The following ZDHHC13 variants were observed in gnomAD, a reference collection of about 807,000 sequenced individuals.
The protein encoded by ZDHHC13 is zDHHC palmitoyltransferase 13.
Under a neutral mutation model 86.0 loss-of-function variants are expected in ZDHHC13, and 85 were observed. The ratio of observed to expected loss-of-function variants is 0.99; its 90% confidence interval spans 0.83 to 1.18. ZDHHC13 has a LOEUF of 1.18. Among genes scored for constraint, ZDHHC13 ranks in the 50% most tolerant of loss-of-function variants. The pLI, the probability that ZDHHC13 is intolerant of heterozygous loss-of-function variation, is 0.00. For synonymous variants in ZDHHC13, 263 were observed against 246.4 expected, an observed-to-expected ratio of 1.07 and a Z score of -0.63; for missense variants, 711 against 730.2, an observed-to-expected ratio of 0.97 and a Z score of 0.30.
chr11:19,173,623 G>C (rs1453085697), intron 16 of ZDHHC13, among the ~76,000 whole-genome samples: 1 of 152,208 alleles, frequency 6.6e-6, no homozygotes. Context: ...ATTTAGGAGA[G>C]GAGAGAAATT....
intron 11 of ZDHHC13, 114 bp downstream of exon 11, chr11:19,163,541 T>C (rs1300147165): frequency 9.0e-7 from 1 of 1,111,202 alleles, no homozygotes; most frequent in South Asian, 3.5e-5. Context: ...ACATGTGGGG[T>C]GATATAGCAA....
At chr11:19,130,359 C>G (rs1848969514) in intron 1 of ZDHHC13, among the ~76,000 whole-genome samples, 1 of 151,804 alleles carries the variant, frequency 6.6e-6, no homozygotes, top group African/African-American at 2.4e-5. Flanking sequence ...CAAAATATTC[C>G]CTTTTTATCC....
At chr11:19,139,336 A>C (rs1849240795) in intron 1 of ZDHHC13, among the ~76,000 whole-genome samples, 1 of 152,078 alleles carries the variant, frequency 6.6e-6, no homozygotes, top group Non-Finnish European at 1.5e-5. Flanking sequence ...AGAAGAAAAT[A>C]CCTAGCAATC....
intron 9 of ZDHHC13, among the ~76,000 whole-genome samples, chr11:19,157,513 A>G (rs543470435): frequency 2.0e-5 from 3 of 152,218 alleles, no homozygotes; most frequent in Non-Finnish European, 4.4e-5. Flanking sequence ...TTTAAATGTA[A>G]TGTGAAAACT....
In ZDHHC13 at chr11:19,150,838, T is replaced by C. The variant is rs200108428; in HGVS notation, c.584+47T>C. On this transcript the variant is annotated intron_variant, in intron 6 of 16. Transcript: ENST00000446113. ...CAATCTCATTCTTGGTTCCAACTATTTCTTTTCTGTGTATGTAATTTTAAG... is the reference window on the plus strand; with the variant it reads ...CAATCTCATTCTTGGTTCCAACTATCTCTTTTCTGTGTATGTAATTTTAAG... 9.1e-4 allele frequency: 1,404 copies of C among 1,541,340 alleles called. 3 individuals are homozygous for C. Among genetic ancestry groups the C allele is most frequent in the Non-Finnish European group, 1.1e-3 (1,275 of 1,118,278 alleles).
chr11:19,169,582 G>A (rs539906149), intron 14 of ZDHHC13: 103 of 985,386 alleles, frequency 1.0e-4, no homozygotes, highest in South Asian at 1.9e-4. Context: ...GGTGCAAATC[G>A]ACAGAATTAT....
intron 1 of ZDHHC13, among the ~76,000 whole-genome samples, chr11:19,129,444 A>G (rs1273043718): frequency 6.6e-6 from 1 of 152,096 alleles, no homozygotes; most frequent in African/African-American, 2.4e-5. Context: ...GTGTTGAAAG[A>G]TTTTACAAAT....
At chr11:19,135,365 G>A (rs1011187303) in intron 1 of ZDHHC13, among the ~76,000 whole-genome samples, 4 of 152,330 alleles carry the variant, frequency 2.6e-5, no homozygotes, top group Non-Finnish European at 4.4e-5. Flanking sequence ...CTTTTCCGAC[G>A]GGCTTAAAAA....
chr11:19,173,186 T>C (rs1308305434), intron 16 of ZDHHC13, among the ~76,000 whole-genome samples: 1 of 152,188 alleles, frequency 6.6e-6, no homozygotes, highest in Non-Finnish European at 1.5e-5. Flanking sequence ...GGGTGCTCTG[T>C]AGAGAGCGTT....
intron 1 of ZDHHC13, among the ~76,000 whole-genome samples, chr11:19,132,000 AATACTT>A (rs1316638049): frequency 1.3e-5 from 2 of 152,130 alleles, no homozygotes; most frequent in Non-Finnish European, 2.9e-5. Context: ...TTTTCCTTTA[AATACTT>A]ATACATACTT....
At chr11:19,128,254 A>T (rs1275208186) in intron 1 of ZDHHC13, among the ~76,000 whole-genome samples, 1 of 151,656 alleles carries the variant, frequency 6.6e-6, no homozygotes, top group Non-Finnish European at 1.5e-5. Context: ...TCTTGGCTTG[A>T]TAGTTGTTGT....
At position 19,117,322 on chromosome 11, in the gene ZDHHC13, C is replaced by T. The variant is rs1464957910; in HGVS notation, c.27+46C>T. On this transcript the variant is annotated intron_variant, in intron 1 of 16. Transcript: ENST00000446113. The surrounding 1 kb of genome is among the most constrained non-coding windows in gnomAD (Gnocchi z 4.2). Reference sequence around the variant, plus strand: ...GCTGTCCTGGGGGCCGGGAGAGCGGCTGCAGCTGTGGAGGAAAGGATGGTG... The same window carrying T: ...GCTGTCCTGGGGGCCGGGAGAGCGGTTGCAGCTGTGGAGGAAAGGATGGTG... The T allele has an allele frequency of 7.0e-7, 1 of 1,434,888 alleles. No homozygotes were observed. Among genetic ancestry groups the T allele is most frequent in the Non-Finnish European group, 9.1e-7 (1 of 1,094,260 alleles). The allele number at this position is 1,434,888 out of a possible 1,614,324, so 88.9% of individuals were successfully genotyped here. A position where few individuals can be genotyped will look rare whatever the true frequency, so the allele number is the denominator to read the frequency against.
intron 8 of ZDHHC13, among the ~76,000 whole-genome samples, chr11:19,153,465 C>T (rs1849667127): frequency 6.6e-6 from 1 of 152,132 alleles, no homozygotes. Flanking sequence ...AATTAACAGA[C>T]ACTGTATTCT....
intron 6 of ZDHHC13, 87 bp from the exon 7 acceptor site, chr11:19,152,071 A>G (rs1242380436): frequency 7.1e-7 from 1 of 1,398,842 alleles, no homozygotes; most frequent in African/African-American, 1.4e-5. Context: ...AATTGATGGC[A>G]TTATCTTAAA....
chr11:19,163,245 C>A, intron 10 of ZDHHC13, 58 bp from the exon 11 acceptor site: 1 of 1,521,070 alleles, frequency 6.6e-7, no homozygotes, highest in Non-Finnish European at 8.8e-7. Context: ...AATTTGCTTA[C>A]ATCATAATTA....
chr11:19,155,730 T>C, intron 8 of ZDHHC13, 66 bp from the exon 9 acceptor site: 1 of 1,527,798 alleles, frequency 6.5e-7, no homozygotes, highest in East Asian at 2.3e-5. Context: ...GTTCTTATAT[T>C]GCACTATTAT....
intron 10 of ZDHHC13, among the ~76,000 whole-genome samples, chr11:19,161,550 C>T (rs1252339122): frequency 6.6e-6 from 1 of 151,830 alleles, no homozygotes; most frequent in East Asian, 1.9e-4. Context: ...TCTTTTGGTA[C>T]CTTTTATAAG....
At chr11:19,163,474 C>A (rs756800856) in intron 11 of ZDHHC13, 47 bp downstream of exon 11, 1 of 1,533,252 alleles carries the variant, frequency 6.5e-7, no homozygotes, top group Non-Finnish European at 8.7e-7. Flanking sequence ...GGTTTGTAAA[C>A]TTTAGAAAGT....
Position 19,164,327 on chromosome 11 carries a change from C to T in ZDHHC13, c.1260C>T (p.Gly420=). ...KVNIITLAET[G]SLDFRTFCTS... is the part of the protein sequence containing the mutation. Reference sequence around the variant, plus strand: ...ATATCATCACCCTTGCAGAAACTGGCTCTCTGGACTTCAGAACATTTTGTA... The same window carrying T: ...ATATCATCACCCTTGCAGAAACTGGTTCTCTGGACTTCAGAACATTTTGTA... Residue 420 remains glycine (G), a synonymous_variant, in exon 12 of 17, where the codon GGC becomes GGT. Transcript: ENST00000446113. 1 of 1,613,202 alleles carries T rather than the reference C, an allele frequency of 6.2e-7. No homozygotes were observed. Among genetic ancestry groups the T allele is most frequent in the South Asian group, 1.1e-5 (1 of 91,052 alleles).
Sources: allele counts gnomAD v4.1 joint callset (sites outside exome capture counted in the v4.1 genomes callset), GRCh38; gene constraint gnomAD v4.1.1; non-coding constraint Gnocchi (gnomAD v3.1); transcripts MANE v1.5; gene names NCBI Gene and HGNC (gene_info 2026-07-23, HGNC 2026-07-21).